Variants in HERC3 observed in about 807,000 individuals in gnomAD.
The protein encoded by HERC3 is probable E3 ubiquitin-protein ligase HERC3.
A neutral mutation model predicts 129.9 loss-of-function variants in HERC3; 58 were observed. The ratio of observed to expected loss-of-function variants is 0.45; its 90% CI spans 0.36 to 0.56. The LOEUF (loss-of-function observed/expected upper bound fraction) is 0.56. HERC3 is among the 20% of genes least tolerant of loss of function. The pLI, the probability that HERC3 is intolerant of heterozygous loss-of-function variation, is 0.00. For missense variants in HERC3, 835 were observed against 1,244.2 expected, an observed-to-expected ratio of 0.67 and a Z score of 4.95; for synonymous variants, 430 against 451.0, an observed-to-expected ratio of 0.95 and a Z score of 0.59.
At position 88,704,276 on chromosome 4, in the gene HERC3, G is replaced by C. The variant is rs1804080; in HGVS notation, c.2836G>C (p.Glu946Gln). Residue 946 changes from glutamate to glutamine, a missense_variant, in exon 24 of 26, where the codon GAA becomes CAA. Coordinates refer to ENST00000402738, the MANE Select transcript of HERC3 (RefSeq NM_014606.3). ...GNSNYNWEEL[E>Q]ETAIYKGDYS... ...CAGCAACTACAACTGGGAAGAACTG[G>C]AAGAGGTAAGCACAAAAGATCCTTT... 268,647 of 1,613,378 alleles carry C rather than the reference G, an allele frequency of 0.17. 23,439 individuals are homozygous for C. The highest frequency in any genetic ancestry group is 0.26 in the East Asian group (11,741 of 44,846).
the HERC3 span, among the ~76,000 whole-genome samples, chr4:88,582,169 T>C: frequency 6.6e-6 from 1 of 152,228 alleles, no homozygotes; most frequent in Admixed American, 6.5e-5. Context: ...TTTCTATTTC[T>C]GTATAGACTA....
intron 3 of HERC3, among the ~76,000 whole-genome samples, chr4:88,641,505 A>G (rs954578757): frequency 1.3e-5 from 2 of 152,218 alleles, no homozygotes; most frequent in South Asian, 2.1e-4. Context: ...GAGAAAATCA[A>G]TGGAACCAAA....
At chr4:88,659,531 A>C (rs900806720) in intron 10 of HERC3, among the ~76,000 whole-genome samples, 1 of 152,236 alleles carries the variant, frequency 6.6e-6, no homozygotes, top group Admixed American at 6.5e-5. Context: ...TGCCTGAAGA[A>C]GGTGGCTTAG....
intron 1 of HERC3, among the ~76,000 whole-genome samples, chr4:88,594,735 T>C (rs766854951): frequency 1.2e-4 from 18 of 152,144 alleles, no homozygotes; most frequent in Non-Finnish European, 2.2e-4. Context: ...TGAGATACTT[T>C]AGGTATCTCT....
chr4:88,591,702 G>A (rs10084787), upstream of HERC3, among the ~76,000 whole-genome samples: 65,053 of 151,976 alleles, frequency 0.43, 17,308 homozygotes, highest in African/African-American at 0.75. Context: ...CTTGGGGAGG[G>A]GGAGGAAGCT....
In HERC3 at chr4:88,707,003, C is replaced by G; in HGVS notation, c.*43C>G. 6.3e-6 allele frequency: 9 copies of G among 1,424,806 alleles called. No individual in the cohort carries two copies. The highest frequency in any genetic ancestry group is 1.7e-5 in the Admixed American group (1 of 59,508). 88.3% of individuals were successfully genotyped at this position (1,424,806 alleles called of 1,614,324 possible). On this transcript the variant is annotated 3_prime_UTR_variant, in exon 26 of 26. Coordinates refer to ENST00000402738, the MANE Select transcript of HERC3 (RefSeq NM_014606.3). The stretch of plus-strand genomic sequence containing the variant: ...AGTATTTCCCTTCGTTCCTCAGTGT[C>G]CACATTGAGGCCTATACAGAAAATC...
intron 23 of HERC3, chr4:88,697,844 T>C: frequency 2.7e-6 from 4 of 1,490,792 alleles, no homozygotes; most frequent in Non-Finnish European, 3.6e-6. Flanking sequence ...ATGCGGCAAG[T>C]GGCGGTGACG....
chr4:88,659,542 T>G (rs1472242368), intron 10 of HERC3, among the ~76,000 whole-genome samples: 4 of 152,236 alleles, frequency 2.6e-5, no homozygotes, highest in African/African-American at 9.6e-5. Context: ...GGTGGCTTAG[T>G]GCTACCATCT....
chr4:88,577,383 T>G, the HERC3 span, among the ~76,000 whole-genome samples: 1 of 152,128 alleles, frequency 6.6e-6, no homozygotes, highest in Non-Finnish European at 1.5e-5. Flanking sequence ...GAGAAGTTAC[T>G]TACATAGATC....
chr4:88,579,226 A>ATATATATATATATATATATATATATAT, the HERC3 span, among the ~76,000 whole-genome samples: 3 of 93,940 alleles, frequency 3.2e-5, 1 homozygote, highest in African/African-American at 3.1e-4. Flanking sequence ...TACTAAAAAA[A>ATATATATATATATATATATATATATAT]AAAAAAATAT....
intron 10 of HERC3, among the ~76,000 whole-genome samples, chr4:88,659,288 T>A (rs146891942): frequency 6.6e-6 from 1 of 152,266 alleles, no homozygotes; most frequent in African/African-American, 2.4e-5. Flanking sequence ...GGGCTGTTAG[T>A]GAAGAAAAAG....
At chr4:88,574,636 C>T in the HERC3 span, among the ~76,000 whole-genome samples, 1 of 152,180 alleles carries the variant, frequency 6.6e-6, no homozygotes, top group Non-Finnish European at 1.5e-5. Context: ...ATAAACTTGA[C>T]TGCTTTAGGT....
At chr4:88,577,380 T>C in the HERC3 span, among the ~76,000 whole-genome samples, 7 of 152,128 alleles carry the variant, frequency 4.6e-5, no homozygotes, top group African/African-American at 1.4e-4. Context: ...GGGGAGAAGT[T>C]ACTTACATAG....
intron 3 of HERC3, among the ~76,000 whole-genome samples, chr4:88,635,699 G>A (rs955062872): frequency 1.3e-5 from 2 of 151,520 alleles, no homozygotes; most frequent in African/African-American, 2.4e-5. Context: ...GCACATAATC[G>A]GATTCACCAA....
upstream of HERC3, among the ~76,000 whole-genome samples, chr4:88,591,005 T>G (rs1422938071): frequency 6.6e-6 from 1 of 151,714 alleles, no homozygotes; most frequent in Admixed American, 6.6e-5. Flanking sequence ...TTCTCCTGCC[T>G]CAGCCTCCTG....
the HERC3 span, among the ~76,000 whole-genome samples, chr4:88,528,481 G>C: frequency 6.6e-6 from 1 of 152,142 alleles, no homozygotes; most frequent in Non-Finnish European, 1.5e-5. Flanking sequence ...CAAGATCAAA[G>C]AGTGGGCCCA....
At chr4:88,639,957 C>T (rs754955805) in intron 3 of HERC3, among the ~76,000 whole-genome samples, 24 of 152,002 alleles carry the variant, frequency 1.6e-4, no homozygotes, top group Non-Finnish European at 2.5e-4. Flanking sequence ...GACATTTATG[C>T]GGCCAACAAA....
intron 24 of HERC3, 38 bp downstream of exon 24, chr4:88,704,319 C>T (rs1315878437): frequency 8.8e-6 from 14 of 1,595,984 alleles, no homozygotes; most frequent in Admixed American, 1.7e-5. Flanking sequence ...TTAACTCCGG[C>T]GAAGCAGCAG....
chr4:88,529,258 G>T, the HERC3 span, among the ~76,000 whole-genome samples: 1 of 152,164 alleles, frequency 6.6e-6, no homozygotes, highest in Non-Finnish European at 1.5e-5. Context: ...GAGGCCAGGA[G>T]TTCAAGACCA....
Sources: gnomAD v4.1 joint callset for allele counts (sites outside exome capture counted in the v4.1 genomes callset) on GRCh38, gnomAD v4.1.1 for gene constraint, MANE v1.5 for transcripts, NCBI Gene and HGNC (gene_info 2026-07-23, HGNC 2026-07-21) for gene names.